The following FOXP1 variants were observed in gnomAD, a reference collection of about 807,000 sequenced individuals.
FOXP1 encodes the protein forkhead box P1, also known as forkhead box protein P1.
In FOXP1, 15 loss-of-function variants were observed where a neutral mutation model predicts 98.2. The observed-to-expected ratio is 0.15, with a 90% CI of 0.10 to 0.24. FOXP1 has a LOEUF of 0.24. Ranked by LOEUF, FOXP1 falls within the 10% of genes least tolerant of loss-of-function variation. The probability of loss-of-function intolerance (pLI) is 1.00; values close to 1 mark genes in which losing one functional copy is unlikely to be tolerated. For missense variants in FOXP1, 633 were observed against 848.5 expected, an observed-to-expected ratio of 0.75 and a Z score of 3.15; for synonymous variants, 371 against 314.5, an observed-to-expected ratio of 1.18 and a Z score of -1.90.
chr3:71,247,676 T>A (rs1365008274), intron 5 of FOXP1, among the ~76,000 whole-genome samples: 1 of 152,198 alleles, frequency 6.6e-6, no homozygotes, highest in Admixed American at 6.5e-5. Context: ...ACATCCATGC[T>A]CCCCTTTCTC....
intron 4 of FOXP1, among the ~76,000 whole-genome samples, chr3:71,340,310 T>C (rs2107775686): frequency 6.6e-6 from 1 of 152,344 alleles, no homozygotes; most frequent in Admixed American, 6.5e-5. Flanking sequence ...TTATAACTCT[T>C]TGATTTGTCC....
intron 6 of FOXP1, among the ~76,000 whole-genome samples, chr3:71,189,223 TTATAAGAAGCTTGTGTCAA>T (rs2062826877): frequency 8.3e-6 from 1 of 121,066 alleles, no homozygotes; most frequent in African/African-American, 3.8e-5. Flanking sequence ...AACAAAGTCA[TTATAAGAAGCTTGTGTCAA>T]TATGGAACAA....
intron 4 of FOXP1, among the ~76,000 whole-genome samples, chr3:71,346,448 G>A (rs1389834721): frequency 6.6e-6 from 1 of 152,188 alleles, no homozygotes; most frequent in Non-Finnish European, 1.5e-5. Flanking sequence ...CACAGAAGAG[G>A]TGGTTGTTTT....
intron 5 of FOXP1, among the ~76,000 whole-genome samples, chr3:71,299,146 C>G (rs2107552673): frequency 6.6e-6 from 1 of 152,262 alleles, no homozygotes; most frequent in Middle Eastern, 3.4e-3. Flanking sequence ...AACCGGAGTA[C>G]TTTTTCACTC....
At chr3:71,401,079 A>T (rs964359168) in intron 3 of FOXP1, among the ~76,000 whole-genome samples, 27 of 152,296 alleles carry the variant, frequency 1.8e-4, no homozygotes, top group African/African-American at 6.5e-4. Context: ...AAAAACTTTG[A>T]CATTTAAAAT....
In FOXP1 at chr3:71,200,036, C is replaced by T. The variant is rs184804283; in HGVS notation, c.-11-1644G>A. 8.0e-3 allele frequency among the ~76,000 whole-genome samples: 1,118 copies of T among 139,954 alleles called. 9 individuals carry two copies. The highest frequency in any genetic ancestry group is 0.013 in the Admixed American group (164 of 12,646). The allele number at this position is 139,954 out of a possible 152,430, so 91.8% of individuals were successfully genotyped here. A position where few individuals can be genotyped will look rare whatever the true frequency, so the allele number is the denominator to read the frequency against. ...GGCGGAGGTTGCAGTGAGCTGAGAT[C>T]GCACCACTGCACTCCAGCCTGAGCT... On this transcript the variant is annotated intron_variant, in intron 5 of 20. Transcript: ENST00000649528.
chr3:71,097,647 T>G (rs2107644499), intron 7 of FOXP1, among the ~76,000 whole-genome samples: 1 of 152,278 alleles, frequency 6.6e-6, no homozygotes, highest in Admixed American at 6.5e-5. Context: ...ATGTCATCAA[T>G]CAGAATGCGC....
chr3:71,119,918 A>G (rs2058639732), intron 6 of FOXP1, among the ~76,000 whole-genome samples: 1 of 152,276 alleles, frequency 6.6e-6, no homozygotes, highest in South Asian at 2.1e-4. Flanking sequence ...TATTTTACAA[A>G]TAGAACATTT....
At chr3:71,078,703 C>T (rs986728929) in intron 7 of FOXP1, among the ~76,000 whole-genome samples, 3 of 152,008 alleles carry the variant, frequency 2.0e-5, no homozygotes, top group South Asian at 2.1e-4. Flanking sequence ...AACTAGATAA[C>T]GTTGCCCAAG....
intron 5 of FOXP1, among the ~76,000 whole-genome samples, chr3:71,262,814 A>C (rs893888537): frequency 6.6e-6 from 1 of 152,212 alleles, no homozygotes; most frequent in African/African-American, 2.4e-5. Context: ...GACTAGTTTT[A>C]GAAATAAACC....
chr3:71,254,145 A>T (rs1186594611), intron 5 of FOXP1, among the ~76,000 whole-genome samples: 1 of 152,028 alleles, frequency 6.6e-6, no homozygotes, highest in African/African-American at 2.4e-5. Context: ...AACTAATCCA[A>T]CCTCCATGCC....
At chr3:71,117,885 G>C (rs1176365010) in intron 6 of FOXP1, among the ~76,000 whole-genome samples, 1 of 152,142 alleles carries the variant, frequency 6.6e-6, no homozygotes, top group East Asian at 1.9e-4. Flanking sequence ...ACAGAGTGGA[G>C]GTGAATGATA....
intron 3 of FOXP1, among the ~76,000 whole-genome samples, chr3:71,394,235 G>A (rs1460784207): frequency 4.6e-5 from 7 of 152,198 alleles, no homozygotes; most frequent in Non-Finnish European, 8.8e-5. Flanking sequence ...TCAGAACAAT[G>A]ATGAGTCCTC....
intron 13 of FOXP1, among the ~76,000 whole-genome samples, chr3:70,993,016 G>C (rs2040844221): frequency 1.3e-5 from 2 of 152,166 alleles, no homozygotes; most frequent in African/African-American, 4.8e-5. Flanking sequence ...AACAGGGTTA[G>C]ACAGGGCCAA....
chr3:71,312,073 G>C (rs1021865210), intron 4 of FOXP1, among the ~76,000 whole-genome samples: 4 of 152,210 alleles, frequency 2.6e-5, no homozygotes, highest in Non-Finnish European at 5.9e-5. Context: ...CTTACAGGCT[G>C]TTATGTTAAT....
At chr3:71,114,778 A>G (rs998819566) in intron 6 of FOXP1, among the ~76,000 whole-genome samples, 6 of 152,222 alleles carry the variant, frequency 3.9e-5, no homozygotes, top group Non-Finnish European at 8.8e-5. Flanking sequence ...CTGGAAGCCA[A>G]GACGCCTGGG....
intron 7 of FOXP1, among the ~76,000 whole-genome samples, chr3:71,101,303 G>A (rs2056936585): frequency 6.6e-6 from 1 of 152,120 alleles, no homozygotes; most frequent in South Asian, 2.1e-4. Context: ...TAGGCACTTA[G>A]GAGCAGTACA....
At chr3:71,314,683 TGTAGGTATA>T (rs2074950214) in intron 4 of FOXP1, among the ~76,000 whole-genome samples, 1 of 152,186 alleles carries the variant, frequency 6.6e-6, no homozygotes, top group African/African-American at 2.4e-5. Flanking sequence ...GTTGGAGAAT[TGTAGGTATA>T]AGATTGGGGT....
At chr3:71,383,391 T>C (rs1033433729) in intron 3 of FOXP1, among the ~76,000 whole-genome samples, 1 of 152,174 alleles carries the variant, frequency 6.6e-6, no homozygotes, top group African/African-American at 2.4e-5. Context: ...GGCTGAGATT[T>C]TGGTTTTGGG....
Sources: allele counts gnomAD v4.1 joint callset (sites outside exome capture counted in the v4.1 genomes callset), GRCh38; gene constraint gnomAD v4.1.1; transcripts MANE v1.5; gene names NCBI Gene and HGNC (gene_info 2026-07-23, HGNC 2026-07-21).